Variants in NRAP observed in about 807,000 individuals in gnomAD.
The protein encoded by NRAP is nebulin-related-anchoring protein.
A neutral mutation model predicts 225.9 loss-of-function variants in NRAP; 189 were observed. That is an observed-to-expected ratio of 0.84 (90% CI 0.74 to 0.94). The LOEUF (loss-of-function observed/expected upper bound fraction) is 0.94, where lower values mean the gene tolerates loss of function less well. NRAP is among the 40% of genes least tolerant of loss of function. The probability of loss-of-function intolerance (pLI) is 0.00; values close to 1 mark genes in which losing one functional copy is unlikely to be tolerated. For missense variants in NRAP, 2,176 were observed against 2,168.7 expected (o/e 1.00, Z -0.07); for synonymous variants, 769 against 790.7 (o/e 0.97, Z 0.46).
Position 113,597,981 on chromosome 10 carries a change from T to A in NRAP, c.4320A>T (p.Glu1440Asp), listed in dbSNP as rs962088581. The A allele has an allele frequency of 1.2e-6, 2 of 1,610,614 alleles. No homozygotes were observed. Among genetic ancestry groups the A allele is most frequent in the African/African-American group, 1.3e-5 (1 of 74,740 alleles). The change falls in exon 36 of 42, where the codon GAA becomes GAT. Residue 1440 changes from glutamate to aspartate, a missense_variant. Physicochemically the swap from Glu to Asp is conservative, Grantham distance 45. Around this residue, in one of 3 missense-constraint regions of NRAP, gnomAD observed 445 missense variants for 426.1 expected, o/e 1.04. Coordinates refer to ENST00000359988, the MANE Select transcript of NRAP (RefSeq NM_198060.4). The part of the protein sequence containing the change: ...PQMESAKKAG[E>D]LISETKYRKK... ...AGGTTGATGGTACCTCGCTGATGAG[T>A]TCTCCAGCCTTCTTTGCACTCTCCA...
In NRAP at chr10:113,617,428, T is replaced by A. The variant is rs751678214; in HGVS notation, c.2973+27A>T. 3.8e-6 allele frequency: 5 copies of A among 1,308,156 alleles called. No homozygotes were observed. The African/African-American group carries it at 4.4e-5, about 11-fold the overall frequency. The allele number at this position is 1,308,156 out of a possible 1,614,324, so 81.0% of individuals were successfully genotyped here. A position where few individuals can be genotyped will look rare whatever the true frequency, so the allele number is the denominator to read the frequency against. On this transcript the variant is annotated intron_variant, in intron 26 of 41. Coordinates refer to ENST00000359988, the MANE Select transcript of NRAP (RefSeq NM_198060.4). ...TTGAAAGAAGAGCCCACTCTTAGAG[T>A]CATAATGTATATACATTATCACTTA...
At chr10:113,657,700 G>A (rs1850393310) in intron 3 of NRAP, 126 bp from the exon 4 acceptor site, 2 of 669,388 alleles carry the variant, frequency 3.0e-6, no homozygotes, top group Admixed American at 2.4e-5. Flanking sequence ...TCACTGTGCT[G>A]CAAGGCACAC....
intron 7 of NRAP, among the ~76,000 whole-genome samples, chr10:113,650,882 C>A (rs1738592347): frequency 6.6e-6 from 1 of 152,158 alleles, no homozygotes; most frequent in African/African-American, 2.4e-5. Flanking sequence ...GTCTTCTCAA[C>A]CCCAGATTAA....
intron 3 of NRAP, 39 bp downstream of exon 3, chr10:113,662,640 C>G: frequency 9.5e-7 from 1 of 1,056,272 alleles, no homozygotes; most frequent in Non-Finnish European, 1.5e-6. Context: ...ACCAATCATT[C>G]TCCATACCCT....
At position 113,620,663 on chromosome 10, in the gene NRAP, C is replaced by A. The variant is rs1252538357; in HGVS notation, c.2815G>T (p.Val939Phe). 3.1e-6 allele frequency: 5 copies of A among 1,613,608 alleles called. No homozygotes were observed. The highest frequency in any genetic ancestry group is 4.5e-5 in the East Asian group (2 of 44,856). ...TCCACATTTAATGACCCGGTGGCGA[C>A]CCAGCCCATGCCTTTCATCCACTTC... Reference protein sequence around the residue: ...DVKWMKGMGWVATGSLNVEQA... With the variant: ...DVKWMKGMGWFATGSLNVEQA... Residue 939 changes from valine to phenylalanine, a missense_variant, in exon 25 of 42, where the codon GTC becomes TTC. Val to Phe is a conservative substitution (Grantham distance 50). Coordinates refer to ENST00000359988, the MANE Select transcript of NRAP (RefSeq NM_198060.4).
At chr10:113,637,030 T>G (rs1375131913) in intron 14 of NRAP, among the ~76,000 whole-genome samples, 2 of 122,568 alleles carry the variant, frequency 1.6e-5, no homozygotes, top group African/African-American at 6.0e-5. Flanking sequence ...AAAAAAAAAA[T>G]CCAGTGACCC....
chr10:113,631,799 C>T, intron 17 of NRAP, 58 bp downstream of exon 17: 1 of 1,113,112 alleles, frequency 9.0e-7, no homozygotes, highest in Non-Finnish European at 1.4e-6. Context: ...AGCAGGACCA[C>T]TGACATTTTA....
chr10:113,633,271 AC>A (rs761634164), intron 15 of NRAP, 83 bp from the exon 16 acceptor site: 8 of 778,178 alleles, frequency 1.0e-5, no homozygotes, highest in Non-Finnish European at 1.8e-5. Context: ...TCCCCCTTAG[AC>A]CCATAGTTGA....
At chr10:113,611,401 C>T (rs1238014073) in intron 30 of NRAP, among the ~76,000 whole-genome samples, 4 of 152,154 alleles carry the variant, frequency 2.6e-5, no homozygotes, top group Non-Finnish European at 5.9e-5. Context: ...TTTTCCTAAG[C>T]GGGCCCATTA....
chr10:113,589,425 G>C lies in NRAP; in HGVS notation c.5088+241C>G, dbSNP rs755992327. 2.0e-5 allele frequency: 12 copies of C among 590,898 alleles called. No homozygotes were observed. The Middle Eastern group carries it at 1.4e-3, about 67-fold the overall frequency. The allele number at this position is 590,898 out of a possible 1,614,324, so 36.6% of individuals were successfully genotyped here. On this transcript the variant is annotated intron_variant, in intron 41 of 41. Coordinates refer to ENST00000359988, the MANE Select transcript of NRAP (RefSeq NM_198060.4). ...GCCCGGGATTGATGTAGCCCCGGTA[G>C]GTTTGCCTCTGCAGAACTAATGGCT...
At chr10:113,625,833 TA>T (rs1347843798) in intron 21 of NRAP, among the ~76,000 whole-genome samples, 1 of 152,126 alleles carries the variant, frequency 6.6e-6, no homozygotes, top group African/African-American at 2.4e-5. Context: ...CTATCCCTAA[TA>T]AAATCGGGGG....
At position 113,626,132 on chromosome 10, in the gene NRAP, T is replaced by C; in HGVS notation, c.2159A>G (p.Gln720Arg). 6.2e-7 allele frequency: 1 copy of C among 1,606,288 alleles called. No homozygotes were observed. Among genetic ancestry groups the C allele is most frequent in the Non-Finnish European group, 8.5e-7 (1 of 1,176,424 alleles). The change falls in exon 21 of 42, where the codon CAG becomes CGG. Residue 720 changes from glutamine (Q) to arginine (R), a missense_variant. Gln to Arg is a conservative substitution (Grantham distance 43, BLOSUM62 1). Transcript: ENST00000359988. ...GQLVSEKNYR[Q>R]RVDELKFTSV... The stretch of plus-strand genomic sequence containing the variant: ...GGTGAACTTCAGCTCATCGACCCTC[T>C]GCCGGTAGTTTTTCTGTTTCCAAAG...
intron 41 of NRAP, chr10:113,589,381 C>T (rs1438399943): frequency 3.5e-6 from 2 of 572,044 alleles, no homozygotes; most frequent in Non-Finnish European, 3.1e-6. Flanking sequence ...AAGCAGTCAG[C>T]ACAGCCTGGG....
At chr10:113,648,769 G>C (rs1466479559) in intron 9 of NRAP, among the ~76,000 whole-genome samples, 1 of 151,984 alleles carries the variant, frequency 6.6e-6, no homozygotes, top group East Asian at 1.9e-4. Context: ...TTTGATTCTT[G>C]CATTTGTTAT....
intron 3 of NRAP, among the ~76,000 whole-genome samples, chr10:113,658,795 T>C (rs1436033210): frequency 1.4e-5 from 2 of 146,962 alleles, no homozygotes; most frequent in Non-Finnish European, 3.0e-5. Flanking sequence ...GATATGAGAA[T>C]CACTTGAACC....
rs1847618886 is a variant in NRAP, at chr10:113,615,717, T to A, written c.3073A>T (p.Ser1025Cys). The A allele has an allele frequency of 1.3e-6, 2 of 1,592,968 alleles. No individual in the cohort carries two copies. Among genetic ancestry groups the A allele is most frequent in the Non-Finnish European group, 1.7e-6 (2 of 1,160,794 alleles). Residue 1025 changes from serine to cysteine, a missense_variant, in exon 27 of 42, where the codon AGT (serine) becomes TGT (cysteine). Ser to Cys is a moderately radical substitution (Grantham distance 112). Coordinates refer to ENST00000359988, the MANE Select transcript of NRAP (RefSeq NM_198060.4). ...LLAKLNAMNI[S>C]ETRYKESWSK... ...GCCCCTTGGGTCAGCCTCACCTCAC[T>A]GATATTCATGGCATTCAGCTTGGCC...
At chr10:113,603,892 GCACACACA>G (rs377036588) in intron 35 of NRAP, among the ~76,000 whole-genome samples, 1 of 151,738 alleles carries the variant, frequency 6.6e-6, no homozygotes, top group African/African-American at 2.4e-5. Flanking sequence ...GTACGTGCAC[GCACACACA>G]CACACGCACA....
rs1848669684 is a variant in NRAP at position 113,633,161 on chromosome 10, T to A, written c.1555A>T (p.Asn519Tyr). Residue 519 changes from asparagine (N) to tyrosine (Y), a missense_variant, in exon 16 of 42, where the codon AAT becomes TAT. By Grantham distance (143) the Asn-to-Tyr change is moderately radical. This residue lies in a region of NRAP where 1,708 missense variants were observed against 1,695.5 expected (regional missense o/e 1.01). Transcript: ENST00000359988. ...HVNYRADYEKNKLNYTLPQDV... is the reference protein window; with the variant it reads ...HVNYRADYEKYKLNYTLPQDV... ...TGGGGCAATGTGTAATTCAACTTATTTTTCTCATAGTCAGCACGGTAATTC... is the reference window on the plus strand; with the variant it reads ...TGGGGCAATGTGTAATTCAACTTATATTTCTCATAGTCAGCACGGTAATTC... The A allele has an allele frequency of 1.2e-6, 2 of 1,603,682 alleles. No homozygotes were observed. The highest frequency in any genetic ancestry group is 1.7e-6 in the Non-Finnish European group (2 of 1,170,542).
chr10:113,610,373 A>AT, intron 31 of NRAP, 86 bp downstream of exon 31: 5 of 648,850 alleles, frequency 7.7e-6, no homozygotes, highest in Non-Finnish European at 1.3e-5. Flanking sequence ...AAAAAAAAAA[A>AT]GGAAGAAAGA....
Sources: allele counts gnomAD v4.1 joint callset (sites outside exome capture counted in the v4.1 genomes callset), GRCh38; gene constraint gnomAD v4.1.1; regional missense constraint gnomAD v4.1.1; transcripts MANE v1.5; gene names NCBI Gene and HGNC (gene_info 2026-07-23, HGNC 2026-07-21).